ZYG11B: variants seen among roughly 807,000 people sequenced by gnomAD.
The protein encoded by ZYG11B is protein zyg-11 homolog B.
ZYG11B carries 36 observed loss-of-function variants against 82.4 expected under a neutral mutation model. That is an observed-to-expected ratio of 0.44 (90% CI 0.33 to 0.58). The LOEUF is 0.58. ZYG11B is among the 20% of genes least tolerant of loss of function. The pLI is 0.02. For missense variants in ZYG11B, 552 were observed against 895.6 expected (o/e 0.62, Z 4.90); for synonymous variants, 303 against 312.8 (o/e 0.97, Z 0.33).
chr1:52,798,240 A>G (rs751617540), intron 8 of ZYG11B, among the ~76,000 whole-genome samples: 3 of 152,182 alleles, frequency 2.0e-5, no homozygotes, highest in Non-Finnish European at 4.4e-5. Flanking sequence ...TAGGAGTCAG[A>G]TGACCTAGGA....
chr1:52,783,853 T>TGCGTATGTACATACAC (rs1558132633), intron 4 of ZYG11B, among the ~76,000 whole-genome samples: 19 of 57,154 alleles, frequency 3.3e-4, no homozygotes, highest in African/African-American at 1.1e-3. Context: ...TACATACACG[T>TGCGTATGTACATACAC]GTGTGTGTAT....
chr1:52,794,811 T>C (rs988633757), intron 6 of ZYG11B, among the ~76,000 whole-genome samples: 2 of 152,228 alleles, frequency 1.3e-5, no homozygotes, highest in African/African-American at 4.8e-5. Context: ...TCCAGCTCTA[T>C]CTTCAAAATT....
chr1:52,753,036 C>T (rs756256037), intron 1 of ZYG11B, among the ~76,000 whole-genome samples: 2 of 151,974 alleles, frequency 1.3e-5, no homozygotes, highest in Admixed American at 6.6e-5. Flanking sequence ...TTAGGAGAGA[C>T]GGGGTTTCAC....
chr1:52,800,955 C>A (rs1207336372), intron 8 of ZYG11B, among the ~76,000 whole-genome samples: 1 of 152,132 alleles, frequency 6.6e-6, no homozygotes, highest in Non-Finnish European at 1.5e-5. Context: ...TTTAACAGAG[C>A]TTCCTTTTTT....
intron 3 of ZYG11B, among the ~76,000 whole-genome samples, chr1:52,775,383 G>A (rs1464724944): frequency 6.6e-6 from 1 of 151,794 alleles, no homozygotes; most frequent in Non-Finnish European, 1.5e-5. Flanking sequence ...CTTGAGCTCA[G>A]GAGTTCAAGA....
chr1:52,755,435 C>G (rs537593295), intron 1 of ZYG11B, among the ~76,000 whole-genome samples: 1 of 152,140 alleles, frequency 6.6e-6, no homozygotes, highest in South Asian at 2.1e-4. Flanking sequence ...CTTTGTTTTT[C>G]TTTTCCAAGA....
At chr1:52,790,997 G>C (rs895060538) in intron 6 of ZYG11B, among the ~76,000 whole-genome samples, 1 of 150,486 alleles carries the variant, frequency 6.6e-6, no homozygotes, top group Non-Finnish European at 1.5e-5. Flanking sequence ...TTTGAGAAAG[G>C]GTCTCACTCT....
intron 10 of ZYG11B, among the ~76,000 whole-genome samples, chr1:52,812,731 T>C (rs1200595709): frequency 2.0e-5 from 3 of 151,730 alleles, no homozygotes; most frequent in African/African-American, 7.3e-5. Context: ...TTTGTTTGTT[T>C]GTTTGTTTGT....
intron 8 of ZYG11B, 131 bp from the exon 9 acceptor site, chr1:52,801,688 T>G: frequency 1.5e-6 from 1 of 681,272 alleles, no homozygotes; most frequent in South Asian, 2.6e-5. Context: ...AGGGGCTGTT[T>G]GTTATAAGTA....
At position 52,824,849 on chromosome 1, in the gene ZYG11B, C is replaced by G. The variant is rs957717817; in HGVS notation, c.*3220C>G. 6 of 152,042 alleles carry G rather than the reference C, an allele frequency of 3.9e-5. No homozygotes were observed. Among genetic ancestry groups the G allele is most frequent in the Admixed American group, 1.3e-4 (2 of 15,242 alleles). 9.4% of individuals were successfully genotyped at this position (152,042 alleles called of 1,614,324 possible). Reference sequence around the variant, plus strand: ...CTATAGTTAGAATCTACAAGGCCTCCTTTTTGCACCTGTAGACTAGAATAT... The same window carrying G: ...CTATAGTTAGAATCTACAAGGCCTCGTTTTTGCACCTGTAGACTAGAATAT... On this transcript the variant is annotated 3_prime_UTR_variant, in exon 14 of 14. Transcript: ENST00000294353.
chr1:52,766,264 G>A (rs1450262260), intron 2 of ZYG11B, among the ~76,000 whole-genome samples: 1 of 151,872 alleles, frequency 6.6e-6, no homozygotes, highest in Non-Finnish European at 1.5e-5. Context: ...GGGACTACAG[G>A]CGTGTGCCAC....
rs1129807 is a variant in ZYG11B at position 52,823,225 on chromosome 1, A to G, written c.*1596A>G. On this transcript the variant is annotated 3_prime_UTR_variant, in exon 14 of 14. Coordinates refer to ENST00000294353, the MANE Select transcript of ZYG11B (RefSeq NM_024646.3). ...TCCCAGCACTTTGGGAAGCTGAAGC[A>G]GGAGGATTGCTTGAGCCCAGAAGTT... 1 of 152,046 alleles carries G rather than the reference A, an allele frequency of 6.6e-6. No individual in the cohort carries two copies. Among genetic ancestry groups the G allele is most frequent in the Non-Finnish European group, 1.5e-5 (1 of 68,004 alleles). The allele number at this position is 152,046 out of a possible 1,614,324, so 9.4% of individuals were successfully genotyped here.
chr1:52,750,118 G>A (rs1644508347), intron 1 of ZYG11B, among the ~76,000 whole-genome samples: 1 of 151,926 alleles, frequency 6.6e-6, no homozygotes, highest in South Asian at 2.1e-4. Context: ...TTAGTTTTGA[G>A]ACGGAGTCTT....
At position 52,726,675 on chromosome 1, in the gene ZYG11B, G is replaced by T; in HGVS notation, c.22G>T (p.Ala8Ser). 6.8e-7 allele frequency: 1 copy of T among 1,478,438 alleles called. No individual in the cohort carries two copies. Among genetic ancestry groups the T allele is most frequent in the East Asian group, 2.9e-5 (1 of 33,956 alleles). 91.6% of individuals were successfully genotyped at this position (1,478,438 alleles called of 1,614,324 possible). Residue 8 changes from alanine (A) to serine (S), a missense_variant, in exon 1 of 14, where the codon GCA becomes TCA. Physicochemically the swap from Ala to Ser is moderately conservative, Grantham distance 99 (BLOSUM62 1). This residue lies in a region of ZYG11B where 359 missense variants were observed against 555.8 expected (regional missense o/e 0.65). Transcript: ENST00000294353. ...CTGCATGCCCGAGGACCAGGCCGGCGCAGCCATGGTGAGGGAGCAAGGCCT... is the reference window on the plus strand; with the variant it reads ...CTGCATGCCCGAGGACCAGGCCGGCTCAGCCATGGTGAGGGAGCAAGGCCT... MPEDQAG[A>S]AMEEASPYSL...
chr1:52,745,364 A>T (rs1370042981), intron 1 of ZYG11B, among the ~76,000 whole-genome samples: 1 of 152,142 alleles, frequency 6.6e-6, no homozygotes, highest in Non-Finnish European at 1.5e-5. Context: ...ATGGATTGAG[A>T]TTCCTTTTTT....
chr1:52,801,299 T>G (rs1645074215), intron 8 of ZYG11B, among the ~76,000 whole-genome samples: 1 of 152,166 alleles, frequency 6.6e-6, no homozygotes, highest in Non-Finnish European at 1.5e-5. Flanking sequence ...TTTCTTTTTT[T>G]TCTTAAGGAA....
intron 12 of ZYG11B, among the ~76,000 whole-genome samples, chr1:52,814,182 C>T (rs1004113229): frequency 1.3e-5 from 2 of 151,980 alleles, no homozygotes; most frequent in Non-Finnish European, 2.9e-5. Context: ...GACCACGCCC[C>T]GCTAATTTTT....
intron 4 of ZYG11B, among the ~76,000 whole-genome samples, chr1:52,782,494 A>G (rs758942390): frequency 1.1e-4 from 16 of 152,096 alleles, no homozygotes; most frequent in Non-Finnish European, 1.9e-4. Flanking sequence ...GAGCTCAGCA[A>G]TCTTCTGCCT....
At chr1:52,730,790 A>C (rs1284095237) in intron 1 of ZYG11B, among the ~76,000 whole-genome samples, 2 of 151,450 alleles carry the variant, frequency 1.3e-5, no homozygotes, top group African/African-American at 4.9e-5. Flanking sequence ...GGCTGCATTG[A>C]GTTATGATCA....
Sources: allele counts gnomAD v4.1 joint callset (sites outside exome capture counted in the v4.1 genomes callset), GRCh38; gene constraint gnomAD v4.1.1; regional missense constraint gnomAD v4.1.1; transcripts MANE v1.5; gene names NCBI Gene and HGNC (gene_info 2026-07-23, HGNC 2026-07-21).